Variants in ROBO2 observed in about 807,000 individuals in gnomAD.
The protein encoded by ROBO2 is roundabout homolog 2.
Under a neutral mutation model 160.8 loss-of-function variants are expected in ROBO2, and 53 were observed. That is an observed-to-expected ratio of 0.33 (90% CI 0.26 to 0.41). The LOEUF (loss-of-function observed/expected upper bound fraction) is 0.41, where lower values mean the gene tolerates loss of function less well. ROBO2 is among the 10% of genes least tolerant of loss of function. The pLI is 1.00. For missense variants in ROBO2, 1,577 were observed against 1,722.4 expected, an observed-to-expected ratio of 0.92 and a Z score of 1.49; for synonymous variants, 664 against 611.7, an observed-to-expected ratio of 1.09 and a Z score of -1.26.
intron 2 of ROBO2, among the ~76,000 whole-genome samples, chr3:76,260,564 G>T (rs1706678911): frequency 6.6e-6 from 1 of 151,840 alleles, no homozygotes; most frequent in Non-Finnish European, 1.5e-5. Flanking sequence ...TACCCTCATT[G>T]GTGAGGGTAT....
chr3:76,387,718 A>G (rs1447237584), intron 2 of ROBO2, among the ~76,000 whole-genome samples: 1 of 152,214 alleles, frequency 6.6e-6, no homozygotes, highest in African/African-American at 2.4e-5. Flanking sequence ...AGTTTTGACT[A>G]GGTAAAGCCA....
At chr3:77,169,870 A>C (rs144579687) in intron 2 of ROBO2, among the ~76,000 whole-genome samples, 2 of 152,196 alleles carry the variant, frequency 1.3e-5, no homozygotes, top group South Asian at 2.1e-4. Context: ...GGAGTTGAGC[A>C]TGAGCCTCCC....
chr3:76,674,897 A>G (rs1347846642), intron 2 of ROBO2, among the ~76,000 whole-genome samples: 1 of 151,148 alleles, frequency 6.6e-6, no homozygotes, highest in African/African-American at 2.4e-5. Context: ...AATTTCTGGT[A>G]TACAATGAGT....
At chr3:76,118,203 A>G (rs909007227) in intron 2 of ROBO2, among the ~76,000 whole-genome samples, 2 of 152,166 alleles carry the variant, frequency 1.3e-5, no homozygotes, top group Non-Finnish European at 2.9e-5. Context: ...AACTGACCAC[A>G]TTATTCTTCA....
intron 2 of ROBO2, among the ~76,000 whole-genome samples, chr3:76,071,776 T>C (rs964536835): frequency 6.6e-6 from 1 of 152,004 alleles, no homozygotes; most frequent in Admixed American, 6.5e-5. Flanking sequence ...TTTAAAAATA[T>C]ATATTTTTTA....
chr3:77,498,146 T>C (rs1381459628), intron 5 of ROBO2, among the ~76,000 whole-genome samples: 4 of 152,160 alleles, frequency 2.6e-5, no homozygotes, highest in South Asian at 2.1e-4. Context: ...TCATCAATCA[T>C]ATAACTTTCA....
chr3:76,566,728 T>G (rs9821274), intron 2 of ROBO2, among the ~76,000 whole-genome samples: 1 of 149,648 alleles, frequency 6.7e-6, no homozygotes, highest in Admixed American at 6.7e-5. Flanking sequence ...GAAAGAAGGG[T>G]GGAGAGGAAG....
rs547915922 is a variant in ROBO2, at chr3:77,083,311, G to T, written c.62-14703G>T. Among the ~76,000 whole-genome samples the T allele has an allele frequency of 2.4e-4, 37 of 152,276 alleles. No homozygotes were observed. The South Asian group carries it at 7.5e-3, about 31-fold the overall frequency. On this transcript the variant is annotated intron_variant, in intron 1 of 25. Transcript: ENST00000461745. Reference sequence around the variant, plus strand: ...GTAACACTCATGAGGCAACTTGTATGATTCTGGATGCGTAAGATGAACTTA... The same window carrying T: ...GTAACACTCATGAGGCAACTTGTATTATTCTGGATGCGTAAGATGAACTTA...
At position 76,548,691 on chromosome 3, in the gene ROBO2, G is replaced by A. The variant is rs184853250; in HGVS notation, c.110-549323G>A. On this transcript the variant is annotated intron_variant, in intron 2 of 26. Coordinates refer to the ROBO2 transcript ENST00000487694. ...TCAAGGAGAAAGCAATAAAGTTGAG[G>A]AGTAAATGGGAGAAGTAACAGTTAT... is the stretch of plus-strand genomic sequence containing the variant. 2.6e-4 allele frequency among the ~76,000 whole-genome samples: 39 copies of A among 151,714 alleles called. 1 individual carries two copies. The South Asian group carries it at 2.7e-3, about 11-fold the overall frequency.
chr3:77,337,057 T>C (rs2066568022), intron 2 of ROBO2, among the ~76,000 whole-genome samples: 1 of 152,208 alleles, frequency 6.6e-6, no homozygotes, highest in Non-Finnish European at 1.5e-5. Flanking sequence ...TGAAGTTTCA[T>C]TGCAATTTTT....
intron 2 of ROBO2, among the ~76,000 whole-genome samples, chr3:76,382,672 A>G (rs998179438): frequency 6.6e-6 from 1 of 152,220 alleles, no homozygotes; most frequent in African/African-American, 2.4e-5. Context: ...CTGTTAAAGA[A>G]AGGCAATGAA....
Position 76,058,928 on chromosome 3 carries a change from C to T in ROBO2, c.109+121326C>T, listed in dbSNP as rs540846336. The stretch of plus-strand genomic sequence containing the variant: ...GGTTTTTTGTCTTTGCGATAGTTTG[C>T]TGAGAATGATGGTTTCCAGCTTCAC... On this transcript the variant is annotated intron_variant, in intron 2 of 26. Transcript: ENST00000487694. Among the ~76,000 whole-genome samples, 62 of 151,060 alleles carry T rather than the reference C, an allele frequency of 4.1e-4. No individual in the cohort carries two copies. In the East Asian group the frequency reaches 0.012, roughly 30 times the overall value.
intron 2 of ROBO2, among the ~76,000 whole-genome samples, chr3:77,359,099 G>A (rs1207008719): frequency 6.6e-6 from 1 of 152,210 alleles, no homozygotes; most frequent in Non-Finnish European, 1.5e-5. Flanking sequence ...TGAATAGAAA[G>A]CAATGCATGA....
chr3:76,488,156 C>T (rs777580696), intron 2 of ROBO2, among the ~76,000 whole-genome samples: 41 of 152,088 alleles, frequency 2.7e-4, no homozygotes, highest in Non-Finnish European at 5.0e-4. Context: ...ACAAATGACC[C>T]GAATTAGCAG....
At chr3:76,154,117 G>A (rs1405901960) in intron 2 of ROBO2, among the ~76,000 whole-genome samples, 1 of 152,092 alleles carries the variant, frequency 6.6e-6, no homozygotes, top group Non-Finnish European at 1.5e-5. Context: ...AATGTTTTAA[G>A]GGGGAAGTTG....
At chr3:76,423,754 G>T (rs894099033) in intron 2 of ROBO2, among the ~76,000 whole-genome samples, 2 of 152,320 alleles carry the variant, frequency 1.3e-5, no homozygotes, top group Admixed American at 6.5e-5. Context: ...ACAGGTCAAA[G>T]AATTGAGAAC....
intron 2 of ROBO2, among the ~76,000 whole-genome samples, chr3:76,214,242 C>T (rs1317728501): frequency 1.3e-5 from 2 of 152,192 alleles, no homozygotes. Context: ...TAATCCACTC[C>T]TCAGAAAAGA....
chr3:76,739,278 C>T (rs2093763237), intron 2 of ROBO2, among the ~76,000 whole-genome samples: 1 of 152,110 alleles, frequency 6.6e-6, no homozygotes, highest in South Asian at 2.1e-4. Context: ...GGCACATTTA[C>T]AGCATGGAAT....
rs145283481 is a variant in ROBO2, at chr3:76,241,474, G to T, written c.109+303872G>T. On this transcript the variant is annotated intron_variant, in intron 2 of 26. Coordinates refer to the ROBO2 transcript ENST00000487694. ...GGAGGAAAATCCCTGTCCTTGTGGA[G>T]CTTATATACTTGTATGTTTGAAGTT... 9.1e-3 allele frequency among the ~76,000 whole-genome samples: 1,392 copies of T among 152,290 alleles called. 14 individuals carry two copies. The highest frequency in any genetic ancestry group is 0.032 in the African/African-American group (1,310 of 41,544).
Sources: allele counts gnomAD v4.1 joint callset (sites outside exome capture counted in the v4.1 genomes callset), GRCh38; gene constraint gnomAD v4.1.1; transcripts MANE v1.5; gene names NCBI Gene and HGNC (gene_info 2026-07-23, HGNC 2026-07-21).